The following GRID1 variants were observed in gnomAD, a reference collection of about 807,000 sequenced individuals.
GRID1 encodes the protein glutamate ionotropic receptor delta type subunit 1, also known as glutamate receptor ionotropic, delta-1.
A neutral mutation model predicts 98.0 loss-of-function variants in GRID1; 28 were observed. That is an observed-to-expected ratio of 0.29 (90% CI 0.21 to 0.39). GRID1 has a LOEUF of 0.39. Ranked by LOEUF, GRID1 falls within the 10% of genes least tolerant of loss-of-function variation. The pLI, the probability that GRID1 is intolerant of heterozygous loss-of-function variation, is 1.00. For synonymous variants in GRID1, 553 were observed against 538.5 expected, an observed-to-expected ratio of 1.03 and a Z score of -0.37; for missense variants, 1,111 against 1,340.5, an observed-to-expected ratio of 0.83 and a Z score of 2.67.
intron 13 of GRID1, among the ~76,000 whole-genome samples, chr10:85,639,046 G>A (rs759071812): frequency 6.6e-6 from 1 of 152,170 alleles, no homozygotes; most frequent in Non-Finnish European, 1.5e-5. Flanking sequence ...GTTTCATAAT[G>A]ACCCAGGAAT....
At chr10:86,110,569 A>G (rs752307906) in intron 4 of GRID1, among the ~76,000 whole-genome samples, 1 of 152,084 alleles carries the variant, frequency 6.6e-6, no homozygotes, top group East Asian at 1.9e-4. Flanking sequence ...CCTGGGGCTC[A>G]CTACTGCCCT....
chr10:86,211,411 C>T (rs186249303), intron 2 of GRID1, among the ~76,000 whole-genome samples: 22 of 152,282 alleles, frequency 1.4e-4, no homozygotes, highest in African/African-American at 5.1e-4. Context: ...GGCTTCCAGC[C>T]CCCCCACCTG....
At chr10:85,853,223 C>A (rs1037052132) in intron 8 of GRID1, among the ~76,000 whole-genome samples, 1 of 152,164 alleles carries the variant, frequency 6.6e-6, no homozygotes, top group African/African-American at 2.4e-5. Context: ...CCCTCAGGAG[C>A]AAAACCAAAG....
chr10:86,245,938 T>C (rs1846719387), intron 2 of GRID1, among the ~76,000 whole-genome samples: 1 of 152,232 alleles, frequency 6.6e-6, no homozygotes, highest in African/African-American at 2.4e-5. Context: ...CCAGCCTCCC[T>C]GAGGCAGATG....
At chr10:85,813,465 A>G (rs1191438750) in intron 8 of GRID1, among the ~76,000 whole-genome samples, 1 of 151,046 alleles carries the variant, frequency 6.6e-6, no homozygotes, top group East Asian at 1.9e-4. Context: ...AAACGCTGAA[A>G]AAAAAAAAAG....
At chr10:85,802,230 G>T (rs1026465969) in intron 8 of GRID1, among the ~76,000 whole-genome samples, 2 of 152,090 alleles carry the variant, frequency 1.3e-5, no homozygotes, top group African/African-American at 4.8e-5. Context: ...CAAGGAACTT[G>T]GAGGGAATAA....
rs751282729 is a variant in GRID1, at chr10:85,856,119, C to A, written c.1023G>T (p.Arg341=). Residue 341 remains arginine (R), a synonymous_variant, in exon 7 of 16, where the codon CGG becomes CGT. Transcript: ENST00000327946. ...ANAFHRKLED[R]KWHSMASLNC... ...TGAGGCTCGCCATGCTATGCCACTTCCGGTCCTCCAGCTTCCTGTGAAAGG... is the reference window on the plus strand; with the variant it reads ...TGAGGCTCGCCATGCTATGCCACTTACGGTCCTCCAGCTTCCTGTGAAAGG... The A allele has an allele frequency of 5.0e-6, 8 of 1,614,038 alleles. No individual in the cohort carries two copies. Among genetic ancestry groups the A allele is most frequent in the Admixed American group, 3.3e-5 (2 of 60,016 alleles).
At chr10:85,802,421 T>C (rs752844496) in intron 8 of GRID1, among the ~76,000 whole-genome samples, 5 of 152,036 alleles carry the variant, frequency 3.3e-5, no homozygotes, top group African/African-American at 2.4e-5. Flanking sequence ...CAGACCCACA[T>C]ATATATGAAT....
intron 3 of GRID1, among the ~76,000 whole-genome samples, chr10:86,184,243 C>T (rs183744153): frequency 4.1e-4 from 63 of 152,232 alleles, no homozygotes; most frequent in Non-Finnish European, 7.2e-4. Context: ...AGTGCAAGTT[C>T]TTAATTTTAA....
intron 4 of GRID1, among the ~76,000 whole-genome samples, chr10:85,995,469 T>C (rs1016120130): frequency 6.6e-6 from 1 of 152,320 alleles, no homozygotes; most frequent in Non-Finnish European, 1.5e-5. Flanking sequence ...TGTTCCCCAG[T>C]TGACTAGGTG....
At chr10:85,946,491 T>C (rs910741027) in intron 4 of GRID1, among the ~76,000 whole-genome samples, 7 of 152,248 alleles carry the variant, frequency 4.6e-5, no homozygotes, top group Non-Finnish European at 7.3e-5. Flanking sequence ...AAGGAATCAA[T>C]TGTGTAACCC....
chr10:85,643,978 T>C (rs1246961483), intron 13 of GRID1: 2 of 152,178 alleles, frequency 1.3e-5, no homozygotes, highest in Non-Finnish European at 2.9e-5. Context: ...GTGCCGCCAA[T>C]GGACAAGGGG....
intron 4 of GRID1, among the ~76,000 whole-genome samples, chr10:85,942,336 G>A (rs1268162781): frequency 1.3e-5 from 2 of 152,176 alleles, no homozygotes; most frequent in Admixed American, 6.5e-5. Context: ...GCCTATACCT[G>A]GTTCAGAGGA....
intron 2 of GRID1, among the ~76,000 whole-genome samples, chr10:86,305,796 G>A (rs946415453): frequency 2.2e-4 from 34 of 152,000 alleles, no homozygotes; most frequent in African/African-American, 8.2e-4. Context: ...AGGAGGGGCT[G>A]AGCCTCCCAT....
chr10:85,791,133 C>G (rs1041444360), intron 8 of GRID1, among the ~76,000 whole-genome samples: 5 of 152,182 alleles, frequency 3.3e-5, no homozygotes, highest in African/African-American at 1.2e-4. Flanking sequence ...CAGGTCCGAG[C>G]AGAACACAGA....
chr10:86,228,309 G>T (rs1319948729), intron 2 of GRID1, among the ~76,000 whole-genome samples: 1 of 146,968 alleles, frequency 6.8e-6, no homozygotes, highest in Non-Finnish European at 1.5e-5. Context: ...TGCATGGGAG[G>T]GGGTGGGTGG....
At chr10:86,101,738 C>T (rs538520574) in intron 4 of GRID1, among the ~76,000 whole-genome samples, 4 of 151,332 alleles carry the variant, frequency 2.6e-5, no homozygotes, top group Non-Finnish European at 5.9e-5. Context: ...CTCCTTGGCT[C>T]AAGAGATCCT....
chr10:85,639,400 C>T (rs1254614977), intron 13 of GRID1, among the ~76,000 whole-genome samples: 1 of 152,086 alleles, frequency 6.6e-6, no homozygotes, highest in East Asian at 1.9e-4. Context: ...AATCTGCAAG[C>T]GGTTGTCTCT....
At chr10:86,058,585 T>C (rs917180579) in intron 4 of GRID1, among the ~76,000 whole-genome samples, 2 of 152,224 alleles carry the variant, frequency 1.3e-5, no homozygotes, top group Admixed American at 1.3e-4. Flanking sequence ...TGTACCTTCA[T>C]TTCCTGAGCC....
Sources: gnomAD v4.1 joint callset for allele counts (sites outside exome capture counted in the v4.1 genomes callset) on GRCh38, gnomAD v4.1.1 for gene constraint, MANE v1.5 for transcripts, NCBI Gene and HGNC (gene_info 2026-07-23, HGNC 2026-07-21) for gene names.